WFS1: variants seen among roughly 807,000 people sequenced by gnomAD.
The protein encoded by WFS1 is wolframin.
In WFS1, 90 loss-of-function variants were observed where a neutral mutation model predicts 68.5. That is an observed-to-expected ratio of 1.31 (90% CI 1.11 to 1.56). The LOEUF is 1.56. Ranked by LOEUF, WFS1 falls within the 40% of genes most tolerant of loss-of-function variation. The pLI, the probability that WFS1 is intolerant of heterozygous loss-of-function variation, is 0.00. For missense variants in WFS1, 1,767 were observed against 1,232.6 expected, an observed-to-expected ratio of 1.43 and a Z score of -6.49; for synonymous variants, 860 against 540.7, an observed-to-expected ratio of 1.59 and a Z score of -8.19.
rs1194733549 is a variant in WFS1 at position 6,283,750 on chromosome 4, G to A, written c.233-3343G>A. ...TGGGGGTGCGGGCCTTCTGTGCAGC[G>A]CAGGGGAGGGGGCAGTGCCACCCAG... On this transcript the variant is annotated intron_variant, in intron 2 of 7. Coordinates refer to ENST00000226760, the MANE Select transcript of WFS1 (RefSeq NM_006005.3). This position sits in a 1 kb window ranked among gnomAD's most constrained non-coding sequence, Gnocchi z 5.0. Among the ~76,000 whole-genome samples, 11 of 152,220 alleles carry A rather than the reference G, an allele frequency of 7.2e-5. No individual in the cohort carries two copies. The highest frequency in any genetic ancestry group is 4.1e-4 in the South Asian group (2 of 4,830).
In WFS1 at chr4:6,295,151, G is replaced by A. The variant is rs1730597191; in HGVS notation, c.823G>A (p.Ala275Thr). The A allele has an allele frequency of 6.2e-7, 1 of 1,612,430 alleles. No individual in the cohort carries two copies. The highest frequency in any genetic ancestry group is 1.3e-5 in the African/African-American group (1 of 74,906). ...LQDDEDDDEL[A>T]GKSPEDLPLR... ...GGACGACGAAGATGATGACGAGCTG[G>A]CGGGGAAGAGCCCTGAGGACCTGCC... Residue 275 changes from alanine to threonine, a missense_variant, in exon 7 of 8, where the codon GCG becomes ACG. Transcript: ENST00000226760.
chr4:6,282,677 G>A (rs1019168962), intron 2 of WFS1, among the ~76,000 whole-genome samples: 2 of 152,190 alleles, frequency 1.3e-5, no homozygotes, highest in South Asian at 4.1e-4. Flanking sequence ...GGAAAATTTT[G>A]TGCATGTTTT....
intron 5 of WFS1, 31 bp from the exon 6 acceptor site, chr4:6,291,886 T>G: frequency 6.3e-7 from 1 of 1,594,162 alleles, no homozygotes; most frequent in Non-Finnish European, 8.5e-7. Flanking sequence ...AGTCAACTTG[T>G]CTGACTGTTA....
At chr4:6,299,619 C>CGTGT (rs147141787) in intron 7 of WFS1, among the ~76,000 whole-genome samples, 1 of 21,660 alleles carries the variant, frequency 4.6e-5, no homozygotes, top group Non-Finnish European at 7.4e-5. Context: ...AGGTAGGTTG[C>CGTGT]GTGTGTGTGT....
rs573191424 is a variant in WFS1, at chr4:6,301,326, C to T, written c.1531C>T (p.Leu511=). ...CGTCCCGTGCCTGCTCTATGTCTAC[C>T]TGCTCTATCTCTTCTTCCGCATGGC... ...VSVPCLLYVY[L]LYLFFRMAQL... Residue 511 remains leucine (L), a synonymous_variant, in exon 8 of 8, where the codon CTG becomes TTG. Coordinates refer to ENST00000226760, the MANE Select transcript of WFS1 (RefSeq NM_006005.3). The T allele has an allele frequency of 4.3e-6, 7 of 1,611,904 alleles. No individual in the cohort carries two copies. In the African/African-American group the frequency reaches 5.3e-5, roughly 12 times the overall value.
At position 6,302,216 on chromosome 4, in the gene WFS1, C is replaced by T. The variant is rs893653935; in HGVS notation, c.2421C>T (p.Ser807=). ...DVTKDIVLRA[S]SEFKSVLLSL... Reference sequence around the variant, plus strand: ...CCAAGGACATCGTGCTGCGGGCCAGCAGCGAGTTCAAGAGCGTGCTGCTCA... The same window carrying T: ...CCAAGGACATCGTGCTGCGGGCCAGTAGCGAGTTCAAGAGCGTGCTGCTCA... Residue 807 remains serine, a synonymous_variant, in exon 8 of 8, where the codon AGC becomes AGT. Transcript: ENST00000226760. The T allele has an allele frequency of 2.5e-6, 4 of 1,610,644 alleles. No individual in the cohort carries two copies. Among genetic ancestry groups the T allele is most frequent in the Non-Finnish European group, 3.4e-6 (4 of 1,178,722 alleles).
chr4:6,290,823 T>C (rs1730439906), intron 4 of WFS1, among the ~76,000 whole-genome samples: 1 of 152,120 alleles, frequency 6.6e-6, no homozygotes, highest in South Asian at 2.1e-4. Context: ...CTGCAGTGAG[T>C]CCACCCTGGG....
At chr4:6,292,182 C>A (rs1432509407) in intron 6 of WFS1, among the ~76,000 whole-genome samples, 185 bp downstream of exon 6, 1 of 152,176 alleles carries the variant, frequency 6.6e-6, no homozygotes, top group African/African-American at 2.4e-5. Context: ...CTCAGGCGGT[C>A]CGTTTGGGGC....
Position 6,299,602 on chromosome 4 carries a change from TGAA to T in WFS1, c.862-1054_862-1052del, listed in dbSNP as rs1334888618. Among the ~76,000 whole-genome samples the T allele has an allele frequency of 3.2e-4, 8 of 24,700 alleles. 1 individual carries two copies. In the South Asian group the frequency reaches 0.014, roughly 45 times the overall value. The allele number at this position is 24,700 out of a possible 152,430, so 16.2% of individuals were successfully genotyped here. On this transcript the variant is annotated intron_variant, in intron 7 of 7. Transcript: ENST00000226760. ...GTGAATGTGTGTGTAGGGGTGGGTTTGAATGCAGGTAGGTTGCGTGTGTGTGTA... is the reference window on the plus strand; with the variant it reads ...GTGAATGTGTGTGTAGGGGTGGGTTTTGCAGGTAGGTTGCGTGTGTGTGTA...
chr4:6,290,958 G>A (rs1404549090), intron 4 of WFS1, among the ~76,000 whole-genome samples: 1 of 152,226 alleles, frequency 6.6e-6, no homozygotes, highest in African/African-American at 2.4e-5. Flanking sequence ...CTTCCCGCCA[G>A]CATGTAGGGG....
At chr4:6,296,753 C>T (rs375716708) in intron 7 of WFS1, among the ~76,000 whole-genome samples, 7 of 152,232 alleles carry the variant, frequency 4.6e-5, no homozygotes, top group African/African-American at 1.2e-4. Context: ...CTTGCATATG[C>T]GTCCTGTTCG....
At chr4:6,275,372 G>A (rs564545654) in intron 1 of WFS1, among the ~76,000 whole-genome samples, 14 of 152,164 alleles carry the variant, frequency 9.2e-5, no homozygotes, top group South Asian at 2.1e-4. Flanking sequence ...TGGGTTCTAC[G>A]TGCGATCCTG....
In WFS1 at chr4:6,301,780, C is replaced by G; in HGVS notation, c.1985C>G (p.Ser662Cys). The stretch of plus-strand genomic sequence containing the variant: ...TCAGAGGGCATGAAGGTCTACAACT[C>G]CACACTGACCTGGCAGCAGTATGGT... Reference protein sequence around the residue: ...YRSEGMKVYNSTLTWQQYGAL... With the variant: ...YRSEGMKVYNCTLTWQQYGAL... The change falls in exon 8 of 8, where the codon TCC becomes TGC. Residue 662 changes from serine to cysteine, a missense_variant. Physicochemically the swap from Ser to Cys is moderately radical, Grantham distance 112. Coordinates refer to ENST00000226760, the MANE Select transcript of WFS1 (RefSeq NM_006005.3). The G allele has an allele frequency of 1.2e-6, 2 of 1,613,530 alleles. No individual in the cohort carries two copies. The highest frequency in any genetic ancestry group is 1.7e-6 in the Non-Finnish European group (2 of 1,180,034).
In WFS1 at chr4:6,281,040, C is replaced by T. The variant is rs549680582; in HGVS notation, c.232+3353C>T. ...AGTCATATGCCCTTTCTGTTGACCCCAGTGGGTGGCCAGCCCACACGACTG... is the reference window on the plus strand; with the variant it reads ...AGTCATATGCCCTTTCTGTTGACCCTAGTGGGTGGCCAGCCCACACGACTG... On this transcript the variant is annotated intron_variant, in intron 2 of 7. Coordinates refer to ENST00000226760, the MANE Select transcript of WFS1 (RefSeq NM_006005.3). Among the ~76,000 whole-genome samples, 6 of 152,324 alleles carry T rather than the reference C, an allele frequency of 3.9e-5. No individual in the cohort carries two copies. The South Asian group carries it at 1.0e-3, about 26-fold the overall frequency.
chr4:6,280,501 C>T lies in WFS1; in HGVS notation c.232+2814C>T, dbSNP rs147589901. ...TTGACACCAAGCCTCACTCAGCCACCGTGACACGGCTGTGCGAGTCCACGC... is the reference window on the plus strand; with the variant it reads ...TTGACACCAAGCCTCACTCAGCCACTGTGACACGGCTGTGCGAGTCCACGC... On this transcript the variant is annotated intron_variant, in intron 2 of 7. Coordinates refer to ENST00000226760, the MANE Select transcript of WFS1 (RefSeq NM_006005.3). Among the ~76,000 whole-genome samples, 153 of 152,316 alleles carry T rather than the reference C, an allele frequency of 1.0e-3. 1 individual carries two copies. The highest frequency in any genetic ancestry group is 6.8e-3 in the Middle Eastern group (2 of 294).
chr4:6,292,657 G>T (rs570081894), intron 6 of WFS1, among the ~76,000 whole-genome samples: 1 of 152,266 alleles, frequency 6.6e-6, no homozygotes, highest in South Asian at 2.1e-4. Context: ...GGGAGCTCCT[G>T]TCCTGGAGAA....
intron 4 of WFS1, 42 bp downstream of exon 4, chr4:6,289,173 G>C: frequency 6.5e-7 from 1 of 1,545,548 alleles, no homozygotes; most frequent in Non-Finnish European, 8.7e-7. Flanking sequence ...GGAGGGTTGA[G>C]CAGCTTGTAA....
At position 6,295,045 on chromosome 4, in the gene WFS1, G is replaced by C; in HGVS notation, c.717G>C (p.Lys239Asn). Residue 239 changes from lysine to asparagine, a missense_variant, in exon 7 of 8, where the codon AAG (lysine) becomes AAC (asparagine). By Grantham distance (94) the Lys-to-Asn change is moderately conservative (BLOSUM62 0). Transcript: ENST00000226760. ...CTGTTTTCTCTCATGCTTCAGCCAA[G>C]AACTACATCGCGCTGGATGACTTTG... ...MLERLVSSES[K>N]NYIALDDFVE... The C allele has an allele frequency of 6.2e-7, 1 of 1,613,478 alleles. No individual in the cohort carries two copies. The highest frequency in any genetic ancestry group is 2.2e-5 in the East Asian group (1 of 44,860).
At chr4:6,299,144 G>A (rs1433963122) in intron 7 of WFS1, among the ~76,000 whole-genome samples, 1 of 152,226 alleles carries the variant, frequency 6.6e-6, no homozygotes, top group Non-Finnish European at 1.5e-5. Flanking sequence ...CAGTCCCTCT[G>A]CCTGGCTGCC....
Sources: gnomAD v4.1 joint callset for allele counts (sites outside exome capture counted in the v4.1 genomes callset) on GRCh38, gnomAD v4.1.1 for gene constraint, Gnocchi (gnomAD v3.1) non-coding constraint, MANE v1.5 for transcripts, NCBI Gene and HGNC (gene_info 2026-07-23, HGNC 2026-07-21) for gene names.